TMEM135: variants seen among roughly 807,000 people sequenced by gnomAD.
TMEM135 encodes the protein peroxisomal membrane protein 52.
TMEM135 carries 30 observed loss-of-function variants against 60.3 expected under a neutral mutation model. That is an observed-to-expected ratio of 0.50 (90% CI 0.37 to 0.68). The LOEUF is 0.68. Among genes scored for constraint, TMEM135 ranks in the 30% least tolerant of loss-of-function variants. The pLI is 0.00. For missense variants in TMEM135, 468 were observed against 548.8 expected (o/e 0.85, Z 1.47); for synonymous variants, 190 against 186.7 (o/e 1.02, Z -0.14).
chr11:87,122,721 A>G (rs1937622945), intron 4 of TMEM135, among the ~76,000 whole-genome samples: 1 of 152,114 alleles, frequency 6.6e-6, no homozygotes, highest in Non-Finnish European at 1.5e-5. Context: ...TTGGCCTCCC[A>G]AAGTGCTGGG....
chr11:87,064,907 A>G (rs913527637), intron 1 of TMEM135, among the ~76,000 whole-genome samples: 1 of 151,998 alleles, frequency 6.6e-6, no homozygotes, highest in African/African-American at 2.4e-5. Flanking sequence ...CAAAAAAACA[A>G]TATTCTAGAA....
chr11:87,201,688 G>A (rs956590855), intron 5 of TMEM135, among the ~76,000 whole-genome samples: 2 of 152,130 alleles, frequency 1.3e-5, no homozygotes, highest in Admixed American at 1.3e-4. Flanking sequence ...AGTGAATTTG[G>A]TGTTTAACAT....
intron 4 of TMEM135, among the ~76,000 whole-genome samples, chr11:87,106,137 T>C (rs1857589534): frequency 6.6e-6 from 1 of 151,980 alleles, no homozygotes; most frequent in Non-Finnish European, 1.5e-5. Flanking sequence ...AGAGTCTCTC[T>C]CTGTTGCTCA....
chr11:87,090,613 C>T (rs901304336), intron 3 of TMEM135, among the ~76,000 whole-genome samples: 1 of 152,056 alleles, frequency 6.6e-6, no homozygotes, highest in Admixed American at 6.6e-5. Context: ...CCCTTGAATT[C>T]TTAAAACCTA....
intron 1 of TMEM135, among the ~76,000 whole-genome samples, chr11:87,062,427 C>A (rs1325512156): frequency 2.1e-5 from 1 of 48,492 alleles, no homozygotes; most frequent in Non-Finnish European, 4.3e-5. Context: ...GCCCCCCCCC[C>A]CCCCCGCATA....
At chr11:87,312,108 T>A (rs1942649072) in intron 10 of TMEM135, among the ~76,000 whole-genome samples, 1 of 151,620 alleles carries the variant, frequency 6.6e-6, no homozygotes. Context: ...TAGTTTATGA[T>A]GTGATTGAGT....
rs183287688 is a variant in TMEM135, at chr11:87,327,124, A to G, written c.*5791A>G. 389 of 453,892 alleles carry G rather than the reference A, an allele frequency of 8.6e-4. 1 individual carries two copies. Among genetic ancestry groups the G allele is most frequent in the African/African-American group, 7.1e-3 (356 of 50,028 alleles). 28.1% of individuals were successfully genotyped at this position (453,892 alleles called of 1,614,324 possible). ...GTCTTTCCTTTCTTCTTGTCCAGAT[A>G]CTTTTCCAACCAGCCTTTACTCGGA... is the stretch of plus-strand genomic sequence containing the variant. On this transcript the variant is annotated 3_prime_UTR_variant, in exon 15 of 15. Coordinates refer to ENST00000305494, the MANE Select transcript of TMEM135 (RefSeq NM_022918.4).
intron 6 of TMEM135, among the ~76,000 whole-genome samples, chr11:87,258,380 T>C (rs1941573692): frequency 1.3e-5 from 2 of 152,106 alleles, no homozygotes; most frequent in Non-Finnish European, 2.9e-5. Context: ...CTCTTATACA[T>C]AGGGATTCAT....
intron 4 of TMEM135, among the ~76,000 whole-genome samples, chr11:87,109,897 G>A (rs1441325109): frequency 6.6e-6 from 1 of 151,700 alleles, no homozygotes; most frequent in Non-Finnish European, 1.5e-5. Context: ...TTCTTTATGT[G>A]TTAATTAGAT....
chr11:87,090,654 C>T (rs1027075704), intron 3 of TMEM135, among the ~76,000 whole-genome samples: 3 of 152,148 alleles, frequency 2.0e-5, no homozygotes, highest in Admixed American at 6.5e-5. Flanking sequence ...ATAGAATGTG[C>T]TTCATTCATT....
At chr11:87,183,117 A>G (rs1939559221) in intron 5 of TMEM135, among the ~76,000 whole-genome samples, 1 of 148,956 alleles carries the variant, frequency 6.7e-6, no homozygotes, top group African/African-American at 2.5e-5. Flanking sequence ...TAAAATTAAC[A>G]TGAGTTGGTA....
chr11:87,129,439 C>T (rs1031876822), intron 4 of TMEM135, among the ~76,000 whole-genome samples: 10 of 151,320 alleles, frequency 6.6e-5, no homozygotes, highest in South Asian at 4.2e-4. Flanking sequence ...GATGTGGTTT[C>T]GCCATATTGG....
At chr11:87,202,730 TAAA>T (rs201573717) in intron 5 of TMEM135, among the ~76,000 whole-genome samples, 3 of 134,404 alleles carry the variant, frequency 2.2e-5, no homozygotes, top group Admixed American at 7.5e-5. Context: ...TAAAAGACTT[TAAA>T]AAAAAAAAAA....
At chr11:87,145,479 A>G (rs1025583684) in intron 4 of TMEM135, among the ~76,000 whole-genome samples, 3 of 152,028 alleles carry the variant, frequency 2.0e-5, no homozygotes, top group Non-Finnish European at 2.9e-5. Context: ...TGGCAGTTCT[A>G]TTTTTAGTGT....
At chr11:87,193,743 A>C (rs951084189) in intron 5 of TMEM135, among the ~76,000 whole-genome samples, 4 of 148,400 alleles carry the variant, frequency 2.7e-5, no homozygotes, top group Non-Finnish European at 5.9e-5. Context: ...TTGTTCACTT[A>C]AAGACCATAT....
At chr11:87,144,259 T>C (rs1938343757) in intron 4 of TMEM135, among the ~76,000 whole-genome samples, 1 of 152,204 alleles carries the variant, frequency 6.6e-6, no homozygotes, top group South Asian at 2.1e-4. Flanking sequence ...TGCATGCCTA[T>C]CCGAGTAGAT....
At chr11:87,217,981 C>T (rs966994976) in intron 5 of TMEM135, among the ~76,000 whole-genome samples, 2 of 152,006 alleles carry the variant, frequency 1.3e-5, no homozygotes, top group Non-Finnish European at 2.9e-5. Context: ...TATGAGTGTT[C>T]CAAGTCTTTA....
chr11:87,045,738 C>T (rs141162250), intron 1 of TMEM135, among the ~76,000 whole-genome samples: 33 of 152,290 alleles, frequency 2.2e-4, no homozygotes, highest in African/African-American at 6.0e-4. Flanking sequence ...TATGCTTGAA[C>T]TTTTGACTCT....
At chr11:87,041,165 C>T (rs1004450484) in intron 1 of TMEM135, among the ~76,000 whole-genome samples, 2 of 152,054 alleles carry the variant, frequency 1.3e-5, no homozygotes, top group Admixed American at 6.6e-5. Context: ...TCTTTTTTAA[C>T]CCTTACACAA....
Sources: gnomAD v4.1 joint callset for allele counts (sites outside exome capture counted in the v4.1 genomes callset) on GRCh38, gnomAD v4.1.1 for gene constraint, MANE v1.5 for transcripts, NCBI Gene and HGNC (gene_info 2026-07-23, HGNC 2026-07-21) for gene names.